The following SCMH1 variants were observed in gnomAD, a reference collection of about 807,000 sequenced individuals.
SCMH1 encodes the protein polycomb protein SCMH1.
Under a neutral mutation model 70.8 loss-of-function variants are expected in SCMH1, and 37 were observed. The observed-to-expected ratio is 0.52, with a 90% confidence interval of 0.40 to 0.69. The LOEUF (loss-of-function observed/expected upper bound fraction) is 0.69. SCMH1 is among the 30% of genes least tolerant of loss of function. The probability of loss-of-function intolerance (pLI) is 0.00; values close to 1 mark genes in which losing one functional copy is unlikely to be tolerated. For missense variants in SCMH1, 607 were observed against 827.3 expected, an observed-to-expected ratio of 0.73 and a Z score of 3.27; for synonymous variants, 292 against 307.4, an observed-to-expected ratio of 0.95 and a Z score of 0.52.
chr1:41,137,439 A>G (rs1323975647), intron 6 of SCMH1, among the ~76,000 whole-genome samples: 1 of 152,110 alleles, frequency 6.6e-6, no homozygotes, highest in African/African-American at 2.4e-5. Context: ...ACATGCATAC[A>G]TATGCACACA....
chr1:41,080,995 A>G (rs567677066), intron 8 of SCMH1, among the ~76,000 whole-genome samples: 2 of 152,336 alleles, frequency 1.3e-5, no homozygotes, highest in South Asian at 2.1e-4. Context: ...ATGATTGTTT[A>G]CATAAATATT....
intron 1 of SCMH1, among the ~76,000 whole-genome samples, chr1:41,222,502 A>G (rs1659494765): frequency 6.6e-6 from 1 of 152,238 alleles, no homozygotes; most frequent in African/African-American, 2.4e-5. Context: ...CTAACTCTTT[A>G]TAACATGAGG....
chr1:41,039,800 G>A (rs191654838), intron 12 of SCMH1, among the ~76,000 whole-genome samples: 1 of 152,106 alleles, frequency 6.6e-6, no homozygotes, highest in Admixed American at 6.5e-5. Flanking sequence ...TTCAAACTGT[G>A]TTCTACAGAG....
At chr1:41,125,960 G>GTA (rs1326936824) in intron 6 of SCMH1, among the ~76,000 whole-genome samples, 1 of 151,994 alleles carries the variant, frequency 6.6e-6, no homozygotes, top group East Asian at 1.9e-4. Context: ...AAATACATAT[G>GTA]TATATACACA....
chr1:41,079,073 AT>A (rs1255820792), intron 8 of SCMH1, among the ~76,000 whole-genome samples: 1 of 152,230 alleles, frequency 6.6e-6, no homozygotes, highest in Non-Finnish European at 1.5e-5. Context: ...AATAAGTCCA[AT>A]ATGCATATTT....
chr1:41,042,312 G>A (rs149645576), intron 12 of SCMH1, among the ~76,000 whole-genome samples: 1 of 151,636 alleles, frequency 6.6e-6, no homozygotes, highest in African/African-American at 2.4e-5. Context: ...GCAATGGTGC[G>A]ATCTCAGCTC....
At position 41,052,569 on chromosome 1, in the gene SCMH1, T is replaced by C. The variant is rs1198642508; in HGVS notation, c.1106-3679A>G. The stretch of plus-strand genomic sequence containing the variant: ...AATGAGGATACTGGCTAATGATGCA[T>C]TTCTCTGATCATATCCCCGTGATTA... On this transcript the variant is annotated intron_variant, in intron 10 of 14. Transcript: ENST00000337495. Among the ~76,000 whole-genome samples, 4 of 152,350 alleles carry C rather than the reference T, an allele frequency of 2.6e-5. No homozygotes were observed. In the East Asian group the frequency reaches 7.7e-4, roughly 29 times the overall value.
chr1:41,139,581 T>C (rs1003802291), intron 6 of SCMH1, among the ~76,000 whole-genome samples: 3 of 152,172 alleles, frequency 2.0e-5, no homozygotes, highest in Non-Finnish European at 2.9e-5. Flanking sequence ...TAGTGATTCA[T>C]AAAGTAGTGC....
Position 41,075,484 on chromosome 1 carries a change from C to T in SCMH1, c.746-33G>A, listed in dbSNP as rs776826893. 9 of 1,559,420 alleles carry T rather than the reference C, an allele frequency of 5.8e-6. No individual in the cohort carries two copies. In the East Asian group the frequency reaches 2.0e-4, roughly 35 times the overall value. On this transcript the variant is annotated intron_variant, in intron 8 of 14. Transcript: ENST00000337495. ...AAAAAGACTCATTCTATCACCCTCC[C>T]TCCCCCCTGCATTCTCATCCCAGCC...
chr1:41,067,944 C>T (rs1468115148), intron 10 of SCMH1, among the ~76,000 whole-genome samples: 2 of 152,064 alleles, frequency 1.3e-5, no homozygotes, highest in African/African-American at 2.4e-5. Flanking sequence ...CTCAATTTTG[C>T]TGTGAATCTA....
chr1:41,166,881 T>C (rs1303172466), intron 2 of SCMH1, among the ~76,000 whole-genome samples: 1 of 152,154 alleles, frequency 6.6e-6, no homozygotes, highest in Non-Finnish European at 1.5e-5. Context: ...GGTACTATGT[T>C]GAACAGAAGT....
chr1:41,129,910 T>G (rs1295529422), intron 6 of SCMH1, among the ~76,000 whole-genome samples: 1 of 152,150 alleles, frequency 6.6e-6, no homozygotes. Flanking sequence ...GTGCATGATA[T>G]TTTTAACTTT....
At chr1:41,212,726 G>A (rs1378229310) in intron 1 of SCMH1, among the ~76,000 whole-genome samples, 1 of 152,208 alleles carries the variant, frequency 6.6e-6, no homozygotes, top group East Asian at 1.9e-4. Flanking sequence ...GAGATTTTAA[G>A]ACCATGCTGG....
intron 1 of SCMH1, among the ~76,000 whole-genome samples, chr1:41,198,460 G>A (rs1455430140): frequency 6.6e-6 from 1 of 152,180 alleles, no homozygotes; most frequent in Non-Finnish European, 1.5e-5. Context: ...CCTACACATT[G>A]TCTAGCAGTG....
intron 8 of SCMH1, among the ~76,000 whole-genome samples, chr1:41,100,843 C>T (rs1158044280): frequency 6.6e-6 from 1 of 152,190 alleles, no homozygotes; most frequent in East Asian, 1.9e-4. Flanking sequence ...GGATTACAAG[C>T]GTGACCCACT....
intron 6 of SCMH1, among the ~76,000 whole-genome samples, chr1:41,118,332 C>T (rs1031710288): frequency 7.9e-5 from 12 of 152,060 alleles, no homozygotes; most frequent in Admixed American, 7.9e-4. Context: ...ACTTTCTAGG[C>T]ATTTGAAAAA....
chr1:41,095,529 G>T (rs904643514), intron 8 of SCMH1, among the ~76,000 whole-genome samples: 17 of 152,170 alleles, frequency 1.1e-4, no homozygotes, highest in African/African-American at 3.9e-4. Context: ...TATGAATGTT[G>T]TAACTGGTAT....
At chr1:41,095,455 G>C (rs1558827057) in intron 8 of SCMH1, among the ~76,000 whole-genome samples, 1 of 152,154 alleles carries the variant, frequency 6.6e-6, no homozygotes, top group Admixed American at 6.5e-5. Context: ...CACGTATTGG[G>C]CAGTGAAAAC....
At chr1:41,091,669 T>TA (rs1335015614) in intron 8 of SCMH1, among the ~76,000 whole-genome samples, 1 of 152,214 alleles carries the variant, frequency 6.6e-6, no homozygotes, top group Non-Finnish European at 1.5e-5. Context: ...CTTAAGCTGA[T>TA]ACGCAACTTC....
Sources: gnomAD v4.1 joint callset for allele counts (sites outside exome capture counted in the v4.1 genomes callset) on GRCh38, gnomAD v4.1.1 for gene constraint, MANE v1.5 for transcripts, NCBI Gene and HGNC (gene_info 2026-07-23, HGNC 2026-07-21) for gene names.